The following SHTN1 variants were observed in gnomAD, a reference collection of about 807,000 sequenced individuals.
The protein encoded by SHTN1 is shootin 1.
In SHTN1, 42 loss-of-function variants were observed where a neutral mutation model predicts 83.1. That is an observed-to-expected ratio of 0.51 (90% CI 0.39 to 0.65). The LOEUF is 0.65. Ranked by LOEUF, SHTN1 falls within the 30% of genes least tolerant of loss-of-function variation. SHTN1 has a pLI of 0.00. For missense variants in SHTN1, 622 were observed against 737.8 expected, an observed-to-expected ratio of 0.84 and a Z score of 1.82; for synonymous variants, 224 against 247.7, an observed-to-expected ratio of 0.90 and a Z score of 0.90.
At chr10:116,933,885 T>C (rs1025191619) in intron 9 of SHTN1, among the ~76,000 whole-genome samples, 4 of 152,232 alleles carry the variant, frequency 2.6e-5, no homozygotes, top group Non-Finnish European at 4.4e-5. Flanking sequence ...TGGTATCTCA[T>C]TGTGGTTTTG....
At chr10:117,003,712 A>T (rs1257303082) in intron 1 of SHTN1, among the ~76,000 whole-genome samples, 1 of 152,064 alleles carries the variant, frequency 6.6e-6, no homozygotes, top group Non-Finnish European at 1.5e-5. Flanking sequence ...AAGTTCACAG[A>T]GCAGGTGAGC....
intron 3 of SHTN1, among the ~76,000 whole-genome samples, chr10:116,964,151 T>C (rs1850308219): frequency 6.6e-6 from 1 of 152,210 alleles, no homozygotes; most frequent in Non-Finnish European, 1.5e-5. Context: ...CAGCCTTTTA[T>C]GAGAATGTTC....
intron 1 of SHTN1, among the ~76,000 whole-genome samples, chr10:117,097,486 T>C (rs527359929): frequency 1.3e-4 from 20 of 152,386 alleles, no homozygotes; most frequent in African/African-American, 4.6e-4. Context: ...ATTTAGAGAA[T>C]ATACATTTAC....
At chr10:116,965,079 GAGGA>G (rs1423114042) in intron 3 of SHTN1, among the ~76,000 whole-genome samples, 1 of 152,230 alleles carries the variant, frequency 6.6e-6, no homozygotes, top group Non-Finnish European at 1.5e-5. Context: ...TTGTGTGTAG[GAGGA>G]AGGCTCAGAG....
chr10:117,030,256 T>TA (rs1852393969), intron 2 of SHTN1, among the ~76,000 whole-genome samples: 5 of 152,200 alleles, frequency 3.3e-5, no homozygotes, highest in African/African-American at 1.2e-4. Flanking sequence ...CAACCAATAA[T>TA]GTGGTATCTC....
intron 1 of SHTN1, among the ~76,000 whole-genome samples, chr10:117,121,160 T>C (rs2133647059): frequency 6.6e-6 from 1 of 152,282 alleles, no homozygotes; most frequent in African/African-American, 2.4e-5. Flanking sequence ...AAACTATGTA[T>C]CTATTATGCA....
At chr10:116,893,994 C>T (rs932817220) in intron 16 of SHTN1, among the ~76,000 whole-genome samples, 6 of 152,178 alleles carry the variant, frequency 3.9e-5, no homozygotes, top group African/African-American at 1.4e-4. Context: ...ATTAGTTTCA[C>T]ATCAGAAATA....
intron 1 of SHTN1, among the ~76,000 whole-genome samples, chr10:117,067,907 G>A (rs1853025377): frequency 6.6e-6 from 1 of 152,166 alleles, no homozygotes; most frequent in Non-Finnish European, 1.5e-5. Flanking sequence ...TAGACAAGGA[G>A]TACCATTTAC....
intron 2 of SHTN1, among the ~76,000 whole-genome samples, chr10:117,019,277 G>A: frequency 6.6e-6 from 1 of 151,644 alleles, no homozygotes; most frequent in Non-Finnish European, 1.5e-5. Context: ...TCAACCTCCT[G>A]GGCTCAAGTG....
intron 1 of SHTN1, among the ~76,000 whole-genome samples, chr10:117,105,395 A>T (rs1331676734): frequency 6.6e-6 from 1 of 152,206 alleles, no homozygotes; most frequent in East Asian, 1.9e-4. Flanking sequence ...ATCTTATTGA[A>T]TATTCCTGAA....
At chr10:117,068,381 C>G (rs1853033622) in intron 1 of SHTN1, among the ~76,000 whole-genome samples, 1 of 152,024 alleles carries the variant, frequency 6.6e-6, no homozygotes, top group South Asian at 2.1e-4. Context: ...CATTTAGGAA[C>G]CAGAAGGTTG....
chr10:117,012,895 G>A (rs981904646), intron 2 of SHTN1, among the ~76,000 whole-genome samples: 3 of 151,904 alleles, frequency 2.0e-5, no homozygotes, highest in Non-Finnish European at 4.4e-5. Context: ...TTAATATTTT[G>A]TATTCTAAAT....
At chr10:116,950,524 AT>A (rs1342432485) in intron 6 of SHTN1, among the ~76,000 whole-genome samples, 2 of 152,206 alleles carry the variant, frequency 1.3e-5, no homozygotes, top group Non-Finnish European at 2.9e-5. Flanking sequence ...AATAAAAATA[AT>A]TGTTGAATTG....
At chr10:117,046,450 TG>T (rs144155210) in intron 2 of SHTN1, among the ~76,000 whole-genome samples, 3,960 of 152,302 alleles carry the variant, frequency 0.026, 66 homozygotes, top group Non-Finnish European at 0.037. Flanking sequence ...GTAACCATTT[TG>T]GAAAACAGTT....
At chr10:117,067,977 A>G (rs1307759896) in intron 1 of SHTN1, among the ~76,000 whole-genome samples, 3 of 152,196 alleles carry the variant, frequency 2.0e-5, no homozygotes, top group Non-Finnish European at 2.9e-5. Flanking sequence ...TGAAGTAGAG[A>G]CATAAAGAGT....
intron 3 of SHTN1, chr10:116,960,437 A>G: frequency 2.3e-6 from 1 of 441,072 alleles, no homozygotes; most frequent in Non-Finnish European, 4.0e-6. Context: ...ACAACAAAAT[A>G]CATTCATTTC....
intron 11 of SHTN1, among the ~76,000 whole-genome samples, chr10:116,923,100 G>T (rs1332318274): frequency 1.3e-5 from 2 of 152,064 alleles, no homozygotes; most frequent in Non-Finnish European, 2.9e-5. Context: ...TACATATTAG[G>T]CAAGAAAATT....
intron 1 of SHTN1, among the ~76,000 whole-genome samples, chr10:117,124,707 G>C (rs1210189503): frequency 2.6e-5 from 4 of 152,066 alleles, no homozygotes; most frequent in Non-Finnish European, 5.9e-5. Flanking sequence ...CCCAGAGGCA[G>C]AGGTTGCAGT....
At chr10:117,027,343 C>T (rs1353578300) in intron 2 of SHTN1, among the ~76,000 whole-genome samples, 1 of 152,072 alleles carries the variant, frequency 6.6e-6, no homozygotes, top group African/African-American at 2.4e-5. Flanking sequence ...ACTTCTTGCT[C>T]CTGCTGTGGC....
Sources: allele counts gnomAD v4.1 joint callset (sites outside exome capture counted in the v4.1 genomes callset), GRCh38; gene constraint gnomAD v4.1.1; transcripts MANE v1.5; gene names NCBI Gene and HGNC (gene_info 2026-07-23, HGNC 2026-07-21).